SLC13A3: variants seen among roughly 807,000 people sequenced by gnomAD.
SLC13A3 encodes the protein solute carrier family 13 member 3.
Under a neutral mutation model 59.0 loss-of-function variants are expected in SLC13A3, and 40 were observed. The ratio of observed to expected loss-of-function variants is 0.68; its 90% CI spans 0.53 to 0.88. The LOEUF is 0.88. SLC13A3 is among the 40% of genes least tolerant of loss of function. SLC13A3 has a pLI of 0.00. For missense variants in SLC13A3, 699 were observed against 783.2 expected, an observed-to-expected ratio of 0.89 and a Z score of 1.28; for synonymous variants, 317 against 330.3, an observed-to-expected ratio of 0.96 and a Z score of 0.44.
chr20:46,577,979 CTATT>C (rs72370004), intron 9 of SLC13A3, among the ~76,000 whole-genome samples: 106,111 of 151,644 alleles, frequency 0.7, 37,441 homozygotes, highest in Non-Finnish European at 0.75. Flanking sequence ...AAGTCCCTGG[CTATT>C]TATTTATTTT....
chr20:46,648,942 T>TACAC lies in SLC13A3; in HGVS notation c.111+2365_111+2368dup, dbSNP rs113495144. ...ACACACACACACACACACACACACATACACACACACACACACACACACACA... is the reference window on the plus strand; with the variant it reads ...ACACACACACACACACACACACACATACACACACACACACACACACACACACACA... On this transcript the variant is annotated intron_variant, in intron 1 of 12. Coordinates refer to ENST00000279027, the MANE Select transcript of SLC13A3 (RefSeq NM_022829.6). 6.4e-4 allele frequency among the ~76,000 whole-genome samples: 74 copies of TACAC among 114,790 alleles called. 1 individual carries two copies. In the Middle Eastern group the frequency reaches 0.033, roughly 51 times the overall value. 75.3% of individuals were successfully genotyped at this position (114,790 alleles called of 152,430 possible). A position where few individuals can be genotyped will look rare whatever the true frequency, so the allele number is the denominator to read the frequency against.
chr20:46,565,653 A>G (rs2061973713), intron 11 of SLC13A3, among the ~76,000 whole-genome samples: 1 of 152,176 alleles, frequency 6.6e-6, no homozygotes, highest in South Asian at 2.1e-4. Context: ...CCCAGGAGTC[A>G]TCAGCTGGGT....
At chr20:46,595,024 C>A (rs1258275133) in intron 5 of SLC13A3, among the ~76,000 whole-genome samples, 1 of 152,156 alleles carries the variant, frequency 6.6e-6, no homozygotes, top group African/African-American at 2.4e-5. Flanking sequence ...GTTTTTGATT[C>A]TTTGGTTGGC....
intron 10 of SLC13A3, among the ~76,000 whole-genome samples, chr20:46,566,705 A>G (rs2061984223): frequency 6.6e-6 from 1 of 152,098 alleles, no homozygotes; most frequent in Non-Finnish European, 1.5e-5. Context: ...AAGGGAAATC[A>G]AACCAGACCC....
intron 8 of SLC13A3, among the ~76,000 whole-genome samples, chr20:46,586,304 C>T (rs1367764173): frequency 6.6e-6 from 1 of 152,172 alleles, no homozygotes; most frequent in Non-Finnish European, 1.5e-5. Context: ...TCTTAAAACA[C>T]TCCCCTCTCT....
intron 1 of SLC13A3, chr20:46,676,082 T>G (rs1600636635): frequency 6.6e-6 from 1 of 152,198 alleles, no homozygotes; most frequent in Non-Finnish European, 1.5e-5. Context: ...CTAATTTTTG[T>G]GTTTTTAGTA....
intron 8 of SLC13A3, chr20:46,585,104 T>C: frequency 1.0e-6 from 1 of 971,892 alleles, no homozygotes; most frequent in Non-Finnish European, 1.2e-6. Context: ...TGCAGTGTTT[T>C]AAAAGAATAA....
chr20:46,629,966 T>C (rs1013866317), intron 1 of SLC13A3, among the ~76,000 whole-genome samples: 3 of 152,234 alleles, frequency 2.0e-5, no homozygotes, highest in Admixed American at 2.0e-4. Context: ...TCATGTTGGC[T>C]ACTTATTACA....
chr20:46,623,883 C>T (rs372652659), intron 1 of SLC13A3, among the ~76,000 whole-genome samples: 10 of 152,288 alleles, frequency 6.6e-5, no homozygotes, highest in African/African-American at 1.9e-4. Context: ...GTAACTTGCC[C>T]ATAGCTGCTG....
At chr20:46,664,839 G>A (rs545500746) in intron 1 of SLC13A3, among the ~76,000 whole-genome samples, 19 of 152,154 alleles carry the variant, frequency 1.2e-4, no homozygotes, top group Non-Finnish European at 2.6e-4. Context: ...GGAAGAAAGA[G>A]AAGTCAAACG....
At chr20:46,636,980 T>C (rs2062801892) in intron 1 of SLC13A3, among the ~76,000 whole-genome samples, 1 of 152,054 alleles carries the variant, frequency 6.6e-6, no homozygotes, top group African/African-American at 2.4e-5. Flanking sequence ...TTTGTATTTT[T>C]AGTAGAGATG....
rs1354410053 is a variant in SLC13A3 at position 46,649,095 on chromosome 20, G to A, written c.111+2216C>T. On this transcript the variant is annotated intron_variant, in intron 1 of 12. Coordinates refer to ENST00000279027, the MANE Select transcript of SLC13A3 (RefSeq NM_022829.6). ...GATGCAAATAACAGCTGCCTCTCTG[G>A]TTGTTGTGGGCATTACATGGGACAA... Among the ~76,000 whole-genome samples the A allele has an allele frequency of 2.0e-5, 3 of 152,096 alleles. No homozygotes were observed. The East Asian group carries it at 5.8e-4, about 29-fold the overall frequency.
chr20:46,664,755 G>A (rs1301548698), intron 1 of SLC13A3, among the ~76,000 whole-genome samples: 5 of 152,178 alleles, frequency 3.3e-5, no homozygotes, highest in Admixed American at 2.6e-4. Flanking sequence ...TGTCCATGAA[G>A]AGGACCCTAA....
intron 1 of SLC13A3, among the ~76,000 whole-genome samples, chr20:46,617,674 T>C (rs2062573897): frequency 6.6e-6 from 1 of 151,962 alleles, no homozygotes; most frequent in Non-Finnish European, 1.5e-5. Context: ...TTCCTAAAAA[T>C]TTGACAAGCA....
At chr20:46,612,288 C>T (rs1056015532) in intron 2 of SLC13A3, among the ~76,000 whole-genome samples, 2 of 151,914 alleles carry the variant, frequency 1.3e-5, no homozygotes, top group African/African-American at 4.8e-5. Context: ...TGCGCCACCA[C>T]GCCCAGTGAA....
At chr20:46,667,798 G>A (rs1051861718) in intron 1 of SLC13A3, among the ~76,000 whole-genome samples, 34 of 152,306 alleles carry the variant, frequency 2.2e-4, no homozygotes, top group African/African-American at 7.0e-4. Context: ...ACCCTACAGT[G>A]AGCAATTCTC....
intron 1 of SLC13A3, among the ~76,000 whole-genome samples, chr20:46,632,911 A>AGATAGATATACAGACAGATAGCTCTT (rs1253627891): frequency 1.8e-5 from 1 of 55,526 alleles, no homozygotes; most frequent in Non-Finnish European, 3.9e-5. Flanking sequence ...ATAGATAGAT[A>AGATAGATATACAGACAGATAGCTCTT]TATCTATCTA....
At chr20:46,682,992 G>A (rs2063160575) in intron 1 of SLC13A3, among the ~76,000 whole-genome samples, 1 of 152,116 alleles carries the variant, frequency 6.6e-6, no homozygotes, top group Admixed American at 6.5e-5. Flanking sequence ...TTCCCACTGT[G>A]GGCCAAGGGC....
chr20:46,672,151 C>A (rs183354125), upstream of SLC13A3, among the ~76,000 whole-genome samples: 30 of 152,330 alleles, frequency 2.0e-4, no homozygotes, highest in Admixed American at 5.2e-4. Flanking sequence ...TTCCCATAGG[C>A]AGAGGCCATG....
Sources: allele counts gnomAD v4.1 joint callset (sites outside exome capture counted in the v4.1 genomes callset), GRCh38; gene constraint gnomAD v4.1.1; transcripts MANE v1.5; gene names NCBI Gene and HGNC (gene_info 2026-07-23, HGNC 2026-07-21).